The following HCAR1 variants were observed in gnomAD, a reference collection of about 807,000 sequenced individuals.
HCAR1 encodes the protein hydroxycarboxylic acid receptor 1.
For synonymous variants in HCAR1, 183 were observed against 182.1 expected, an observed-to-expected ratio of 1.01 and a Z score of -0.04; for missense variants, 445 against 448.7, an observed-to-expected ratio of 0.99 and a Z score of 0.07.
At position 122,729,503 on chromosome 12, in the gene HCAR1, A is replaced by G. The variant is rs1362745890; in HGVS notation, c.837T>C (p.Tyr279=). ...MNSMLDPLVY[Y]FSSPSFPKFY... ...ATTTGGGAAAGGAGGGGCTTGAAAA[A>G]TAATACACCAGGGGATCCAGCATGC... is the stretch of plus-strand genomic sequence containing the variant. Residue 279 remains tyrosine (Y), a synonymous_variant, in exon 1 of 1, where the codon TAT becomes TAC. Transcript: ENST00000432564. The G allele has an allele frequency of 6.2e-7, 1 of 1,614,134 alleles. No homozygotes were observed. Among genetic ancestry groups the G allele is most frequent in the South Asian group, 1.1e-5 (1 of 91,078 alleles).
In HCAR1 at chr12:122,729,397, T is replaced by C. The variant is rs1031465222; in HGVS notation, c.943A>G (p.Ile315Val). The C allele has an allele frequency of 6.2e-6, 10 of 1,614,032 alleles. 1 individual carries two copies. The Admixed American group carries it at 1.3e-4, about 22-fold the overall frequency. Residue 315 changes from isoleucine (I) to valine (V), a missense_variant, in exon 1 of 1, where the codon ATT (isoleucine) becomes GTT (valine). Transcript: ENST00000432564. ...CAACTCCTGCGACCGAGGTTCGAAATTGGCATCTCTTCCGGCCTTTGTGTT... is the reference window on the plus strand; with the variant it reads ...CAACTCCTGCGACCGAGGTTCGAAACTGGCATCTCTTCCGGCCTTTGTGTT... The part of the protein sequence containing the change: ...SKTQRPEEMP[I>V]SNLGRRSCIS...
rs1877911687 is a variant in HCAR1 at position 122,730,241 on chromosome 12, A to G, written c.99T>C (p.Asn33=). 1 of 1,614,036 alleles carries G rather than the reference A, an allele frequency of 6.2e-7. No individual in the cohort carries two copies. The highest frequency in any genetic ancestry group is 1.3e-5 in the African/African-American group (1 of 75,056). Residue 33 remains asparagine, a synonymous_variant, in exon 1 of 1, where the codon AAT becomes AAC. Coordinates refer to ENST00000432564, the MANE Select transcript of HCAR1 (RefSeq NM_032554.4). ...AGCAGAAACCACACAGGGCGACCCC[A>G]TTGCCTAGTGCGCCCAGCACAAAGG... ...IVAFVLGALG[N]GVALCGFCFH...
rs1555249868 is a variant in HCAR1, at chr12:122,726,940, T to TATATATAG, written c.*2358_*2359insCTATATAT. 9.1e-5 allele frequency: 12 copies of TATATATAG among 131,400 alleles called. No homozygotes were observed. Among genetic ancestry groups the TATATATAG allele is most frequent in the African/African-American group, 3.7e-4 (12 of 32,670 alleles). The allele number at this position is 131,400 out of a possible 1,614,324, so 8.1% of individuals were successfully genotyped here. A position where few individuals can be genotyped will look rare whatever the true frequency, so the allele number is the denominator to read the frequency against. On this transcript the variant is annotated 3_prime_UTR_variant, in exon 1 of 1. Coordinates refer to ENST00000432564, the MANE Select transcript of HCAR1 (RefSeq NM_032554.4). ...AAAAAAAAAAAAAAATATATATATA[T>TATATATAG]ATAGATAGATAGATATCTATATATC...
At position 122,729,898 on chromosome 12, in the gene HCAR1, C is replaced by T; in HGVS notation, c.442G>A (p.Val148Met). ...AGATGGTTCTCCAGCAAAAGATACA[C>T]TGTTCCCAGGATGACCAGGGCCCAC... is the stretch of plus-strand genomic sequence containing the variant. Reference protein sequence around the residue: ...TLWALVILGTVYLLLENHLCV... With the variant: ...TLWALVILGTMYLLLENHLCV... The change falls in exon 1 of 1, where the codon GTG (valine) becomes ATG (methionine). Residue 148 changes from valine to methionine, a missense_variant. Coordinates refer to ENST00000432564, the MANE Select transcript of HCAR1 (RefSeq NM_032554.4). The T allele has an allele frequency of 1.9e-6, 3 of 1,612,262 alleles. No homozygotes were observed. The highest frequency in any genetic ancestry group is 2.5e-6 in the Non-Finnish European group (3 of 1,178,698).
In HCAR1 at chr12:122,728,007, CAA is replaced by C. The variant is rs1329953678; in HGVS notation, c.*1290_*1291del. ...ATGAGGGAGTCTTGCAATAAGAGGA[CAA>C]AACTGATGTTCACACAGAATCGGTC... On this transcript the variant is annotated 3_prime_UTR_variant, in exon 1 of 1. Transcript: ENST00000432564. 2 of 152,046 alleles carry C rather than the reference CAA, an allele frequency of 1.3e-5. No homozygotes were observed. Among genetic ancestry groups the C allele is most frequent in the African/African-American group, 2.4e-5 (1 of 41,398 alleles). 9.4% of individuals were successfully genotyped at this position (152,046 alleles called of 1,614,324 possible).
chr12:122,729,775 G>A lies in HCAR1; in HGVS notation c.565C>T (p.Leu189Phe). 1 of 1,611,574 alleles carries A rather than the reference G, an allele frequency of 6.2e-7. No homozygotes were observed. The highest frequency in any genetic ancestry group is 8.5e-7 in the Non-Finnish European group (1 of 1,179,894). The change falls in exon 1 of 1, where the codon CTC (leucine) becomes TTC (phenylalanine). Residue 189 changes from leucine (L) to phenylalanine (F), a missense_variant. By Grantham distance (22) the Leu-to-Phe change is conservative. Transcript: ENST00000432564. The part of the protein sequence containing the change: ...IMFQLEFFMP[L>F]GIILFCSFKI... ...AAGGAGCAAAATAAGATGATGCCGAGGGGCATAAAGAACTCCAGCTGGAAC... is the reference window on the plus strand; with the variant it reads ...AAGGAGCAAAATAAGATGATGCCGAAGGGCATAAAGAACTCCAGCTGGAAC...
Position 122,730,013 on chromosome 12 carries a change from C to T in HCAR1, c.327G>A (p.Val109=), listed in dbSNP as rs776347675. Reference sequence around the variant, plus strand: ...CCACTTTGAAATACCTGTCCGCAGCCACCACCGTAAGGAACACGATGCTCC... The same window carrying T: ...CCACTTTGAAATACCTGTCCGCAGCTACCACCGTAAGGAACACGATGCTCC... ...RAGSIVFLTV[V]AADRYFKVVH... is the part of the protein sequence containing the mutation. Residue 109 remains valine (V), a synonymous_variant, in exon 1 of 1, where the codon GTG becomes GTA. Coordinates refer to ENST00000432564, the MANE Select transcript of HCAR1 (RefSeq NM_032554.4). The T allele has an allele frequency of 6.8e-6, 11 of 1,614,078 alleles. No homozygotes were observed. In the South Asian group the frequency reaches 1.2e-4, roughly 18 times the overall value.
rs1027667965 is a variant in HCAR1 at position 122,726,443 on chromosome 12, A to G, written c.*2856T>C. On this transcript the variant is annotated 3_prime_UTR_variant, in exon 1 of 1. Coordinates refer to ENST00000432564, the MANE Select transcript of HCAR1 (RefSeq NM_032554.4). The stretch of plus-strand genomic sequence containing the variant: ...TTAATCATTCATTCAACAAACATTT[A>G]CTGAGCACCTGCTATGTGCAGGTCC... 1 of 152,232 alleles carries G rather than the reference A, an allele frequency of 6.6e-6. No homozygotes were observed. Among genetic ancestry groups the G allele is most frequent in the Non-Finnish European group, 1.5e-5 (1 of 68,046 alleles). 9.4% of individuals were successfully genotyped at this position (152,232 alleles called of 1,614,324 possible).
chr12:122,727,983 T>A lies in HCAR1; in HGVS notation c.*1316A>T, dbSNP rs777810610. On this transcript the variant is annotated 3_prime_UTR_variant, in exon 1 of 1. Coordinates refer to ENST00000432564, the MANE Select transcript of HCAR1 (RefSeq NM_032554.4). ...TACACATTTGGGAAACTCATGTGTA[T>A]GAGGGAGTCTTGCAATAAGAGGACA... 1 of 152,176 alleles carries A rather than the reference T, an allele frequency of 6.6e-6. No individual in the cohort carries two copies. The highest frequency in any genetic ancestry group is 1.5e-5 in the Non-Finnish European group (1 of 68,048). 9.4% of individuals were successfully genotyped at this position (152,176 alleles called of 1,614,324 possible). A position where few individuals can be genotyped will look rare whatever the true frequency, so the allele number is the denominator to read the frequency against.
In HCAR1 at chr12:122,729,795, T is replaced by G; in HGVS notation, c.545A>C (p.Gln182Pro). ...GCCGAGGGGCATAAAGAACTCCAGC[T>G]GGAACATGATGTCATGCCAGCCATT... ...SANGWHDIMF[Q>P]LEFFMPLGII... The change falls in exon 1 of 1, where the codon CAG becomes CCG. Residue 182 changes from glutamine to proline, a missense_variant. Gln to Pro is a moderately conservative substitution (Grantham distance 76, BLOSUM62 -1). Transcript: ENST00000432564. The G allele has an allele frequency of 1.2e-6, 2 of 1,609,958 alleles. No homozygotes were observed. The highest frequency in any genetic ancestry group is 1.7e-6 in the Non-Finnish European group (2 of 1,178,954).
Position 122,729,872 on chromosome 12 carries a change from G to A in HCAR1, c.468C>T (p.Leu156=). ...AGGAGACGGCCGTCTCTTGCACGCA[G>A]AGATGGTTCTCCAGCAAAAGATACA... The part of the protein sequence containing the change: ...GTVYLLLENH[L]CVQETAVSCE... The change falls in exon 1 of 1, where the codon CTC becomes CTT. Residue 156 remains leucine, a synonymous_variant. Coordinates refer to ENST00000432564, the MANE Select transcript of HCAR1 (RefSeq NM_032554.4). 1 of 1,611,392 alleles carries A rather than the reference G, an allele frequency of 6.2e-7. No individual in the cohort carries two copies. The highest frequency in any genetic ancestry group is 8.5e-7 in the Non-Finnish European group (1 of 1,178,310).
Position 122,730,058 on chromosome 12 carries a change from C to A in HCAR1, c.282G>T (p.Thr94=), listed in dbSNP as rs149892376. The change falls in exon 1 of 1, where the codon ACG becomes ACT. Residue 94 remains threonine (T), a synonymous_variant. Transcript: ENST00000432564. ...TGCTCCCGGCCCTGTTCATGGCCAA[C>A]GTGAAGAGCCCCACTCGGCAGGGAA... The part of the protein sequence containing the change: ...GDIPCRVGLF[T]LAMNRAGSIV... 3 of 1,614,084 alleles carry A rather than the reference C, an allele frequency of 1.9e-6. No homozygotes were observed. Among genetic ancestry groups the A allele is most frequent in the Non-Finnish European group, 1.7e-6 (2 of 1,180,020 alleles).
rs1566052843 is a variant in HCAR1 at position 122,730,387 on chromosome 12, CCA to C, written c.-50_-49del. 1.2e-5 allele frequency: 17 copies of C among 1,426,370 alleles called. No individual in the cohort carries two copies. In the East Asian group the frequency reaches 4.0e-4, roughly 34 times the overall value. The allele number at this position is 1,426,370 out of a possible 1,614,324, so 88.4% of individuals were successfully genotyped here. On this transcript the variant is annotated 5_prime_UTR_variant, in exon 1 of 1. Transcript: ENST00000432564. ...GGGTGCAGAGCAGCCCAGGGAGTCC[CCA>C]CAATGGCACAGATGCTTATCTGAGC...
Position 122,729,335 on chromosome 12 carries a change from A to G in HCAR1, c.1005T>C (p.Asp335=), listed in dbSNP as rs1332082162. The G allele has an allele frequency of 1.2e-6, 2 of 1,614,142 alleles. No individual in the cohort carries two copies. The highest frequency in any genetic ancestry group is 2.2e-5 in the East Asian group (1 of 44,874). Residue 335 remains aspartate, a synonymous_variant, in exon 1 of 1, where the codon GAT becomes GAC. Coordinates refer to ENST00000432564, the MANE Select transcript of HCAR1 (RefSeq NM_032554.4). ...CAACAATGTGGGGATCCCATTGCCC[A>G]TCAGACTGGCTTTGGAAACTATTTG... is the stretch of plus-strand genomic sequence containing the variant. ...SVANSFQSQS[D]GQWDPHIVEW...
chr12:122,728,217 C>T lies in HCAR1; in HGVS notation c.*1082G>A, dbSNP rs1877840920. The T allele has an allele frequency of 6.6e-6, 1 of 152,222 alleles. No homozygotes were observed. The highest frequency in any genetic ancestry group is 1.5e-5 in the Non-Finnish European group (1 of 68,054). The allele number at this position is 152,222 out of a possible 1,614,324, so 9.4% of individuals were successfully genotyped here. ...AAAATAAGTGAATAATTTCAATTCA[C>T]AGTCACATGACAAGTTGTCAAAAGC... On this transcript the variant is annotated 3_prime_UTR_variant, in exon 1 of 1. Coordinates refer to ENST00000432564, the MANE Select transcript of HCAR1 (RefSeq NM_032554.4).
rs1275346381 is a variant in HCAR1 at position 122,730,422 on chromosome 12, C to T, written c.-83G>A. Reference sequence around the variant, plus strand: ...ACAGATGCTTATCTGAGCGTTAGCACTCACCCAGCTGCTGCGTGTCTGACT... The same window carrying T: ...ACAGATGCTTATCTGAGCGTTAGCATTCACCCAGCTGCTGCGTGTCTGACT... On this transcript the variant is annotated 5_prime_UTR_variant, in exon 1 of 1. In the 5' UTR this introduces an upstream ATG that the reference lacks. Transcript: ENST00000432564. 9.1e-7 allele frequency: 1 copy of T among 1,093,750 alleles called. No homozygotes were observed. The highest frequency in any genetic ancestry group is 1.3e-6 in the Non-Finnish European group (1 of 777,240). The allele number at this position is 1,093,750 out of a possible 1,614,324, so 67.8% of individuals were successfully genotyped here. A position where few individuals can be genotyped will look rare whatever the true frequency, so the allele number is the denominator to read the frequency against.
Position 122,729,536 on chromosome 12 carries a change from G to GT in HCAR1, c.803dup (p.Tyr268Ter), listed in dbSNP as rs1877879724. Reference protein sequence around the residue: ...GALHITLSFTYMNSMLDPLVY... With the variant: ...GALHITLSFT The stretch of plus-strand genomic sequence containing the variant: ...CCAGGGGATCCAGCATGCTGTTCAT[G>GT]TAGGTGAAGCTGAGGGTTATGTGCA... The change falls in exon 1 of 1, where the codon TAC becomes TAAC. Residue 268 changes from tyrosine to a stop codon, truncating the protein, a stop_gained and frameshift_variant. Transcript: ENST00000432564. LOFTEE classifies it low-confidence loss of function (END_TRUNC). 1 of 1,614,134 alleles carries GT rather than the reference G, an allele frequency of 6.2e-7. No homozygotes were observed. The highest frequency in any genetic ancestry group is 8.5e-7 in the Non-Finnish European group (1 of 1,180,024).
rs1877790621 is a variant in HCAR1 at position 122,726,344 on chromosome 12, A to G, written c.*2955T>C. On this transcript the variant is annotated 3_prime_UTR_variant, in exon 1 of 1. Coordinates refer to ENST00000432564, the MANE Select transcript of HCAR1 (RefSeq NM_032554.4). ...TTCTTGCCTCCATTTCTTTATATGTAAAACGTGTTAATATAAGAAGTCATA... is the reference window on the plus strand; with the variant it reads ...TTCTTGCCTCCATTTCTTTATATGTGAAACGTGTTAATATAAGAAGTCATA... 1 of 152,226 alleles carries G rather than the reference A, an allele frequency of 6.6e-6. No homozygotes were observed. Among genetic ancestry groups the G allele is most frequent in the Admixed American group, 6.5e-5 (1 of 15,276 alleles). 9.4% of individuals were successfully genotyped at this position (152,226 alleles called of 1,614,324 possible).
Position 122,729,403 on chromosome 12 carries a change from T to C in HCAR1, c.937A>G (p.Met313Val). 1 of 1,614,138 alleles carries C rather than the reference T, an allele frequency of 6.2e-7. No individual in the cohort carries two copies. Residue 313 changes from methionine (M) to valine (V), a missense_variant, in exon 1 of 1, where the codon ATG becomes GTG. Transcript: ENST00000432564. ...GHSKTQRPEE[M>V]PISNLGRRSC... The stretch of plus-strand genomic sequence containing the variant: ...CTGCGACCGAGGTTCGAAATTGGCA[T>C]CTCTTCCGGCCTTTGTGTTTTTGAG...
Sources: allele counts gnomAD v4.1 joint callset, GRCh38; gene constraint gnomAD v4.1.1; transcripts MANE v1.5; gene names NCBI Gene and HGNC (gene_info 2026-07-23, HGNC 2026-07-21).